ROS1: variants seen among roughly 807,000 people sequenced by gnomAD.
ROS1 encodes proto-oncogene tyrosine-protein kinase ROS.
ROS1 carries 263 observed loss-of-function variants against 273.5 expected under a neutral mutation model. That is an observed-to-expected ratio of 0.96 (90% CI 0.87 to 1.06). The LOEUF (loss-of-function observed/expected upper bound fraction) is 1.06, where lower values mean the gene tolerates loss of function less well. Among genes scored for constraint, ROS1 ranks in the 50% least tolerant of loss-of-function variants. The pLI, the probability that ROS1 is intolerant of heterozygous loss-of-function variation, is 0.00. For synonymous variants in ROS1, 1,008 were observed against 954.1 expected (o/e 1.06, Z -1.04); for missense variants, 2,833 against 2,751.1 (o/e 1.03, Z -0.67).
Position 117,365,139 on chromosome 6 carries a change from T to A in ROS1, c.3024A>T (p.Leu1008Phe), listed in dbSNP as rs766943523. The change falls in exon 21 of 44, where the codon TTA becomes TTT. Residue 1008 changes from leucine to phenylalanine, a missense_variant. Physicochemically the swap from Leu to Phe is conservative, Grantham distance 22. Coordinates refer to ENST00000368507, the MANE Select transcript of ROS1 (RefSeq NM_001378902.1). ...TATAAGGAGTGACAGAAAGATTAAA[T>A]AAGGCATAAGGTTCCAGTCCTTCCA... is the stretch of plus-strand genomic sequence containing the variant. ...FTVEGLEPYA[L>F]FNLSVTPYTY... 1.2e-6 allele frequency: 2 copies of A among 1,613,350 alleles called. No homozygotes were observed. The highest frequency in any genetic ancestry group is 1.7e-6 in the Non-Finnish European group (2 of 1,179,338).
intron 43 of ROS1, among the ~76,000 whole-genome samples, chr6:117,294,896 T>C (rs1774101589): frequency 6.6e-6 from 1 of 152,156 alleles, no homozygotes; most frequent in African/African-American, 2.4e-5. Flanking sequence ...CAAAGTTGTC[T>C]ACAAATTCAA....
intron 9 of ROS1, 34 bp from the exon 10 acceptor site, chr6:117,394,772 A>C: frequency 1.3e-6 from 2 of 1,570,280 alleles, no homozygotes; most frequent in Non-Finnish European, 1.7e-6. Context: ...AGACAGGTAG[A>C]CCAACCACAG....
Position 117,409,623 on chromosome 6 carries a change from C to T in ROS1, c.275G>A (p.Gly92Asp), listed in dbSNP as rs2128735130. 6.2e-7 allele frequency: 1 copy of T among 1,613,948 alleles called. No individual in the cohort carries two copies. The highest frequency in any genetic ancestry group is 8.5e-7 in the Non-Finnish European group (1 of 1,179,888). ...TVCERESCEV[G>D]CSSAEGAYEE... Reference sequence around the variant, plus strand: ...ATATGCACCTTCCGCGCTGCTACAGCCAACCTCACACGACTCCCGCTGTGG... The same window carrying T: ...ATATGCACCTTCCGCGCTGCTACAGTCAACCTCACACGACTCCCGCTGTGG... Residue 92 changes from glycine (G) to aspartate (D), a missense_variant, in exon 5 of 44, where the codon GGC becomes GAC. Coordinates refer to ENST00000368507, the MANE Select transcript of ROS1 (RefSeq NM_001378902.1).
At chr6:117,369,852 T>G (rs1401771386) in intron 18 of ROS1, among the ~76,000 whole-genome samples, 2 of 151,986 alleles carry the variant, frequency 1.3e-5, no homozygotes. Flanking sequence ...AGGCATTATG[T>G]GTGTGTGTGT....
At chr6:117,334,111 A>G (rs1329169800) in intron 32 of ROS1, among the ~76,000 whole-genome samples, 1 of 152,224 alleles carries the variant, frequency 6.6e-6, no homozygotes, top group Non-Finnish European at 1.5e-5. Flanking sequence ...ATCTCAGCCC[A>G]AAAACTTCTT....
chr6:117,403,118 AG>A lies in ROS1; in HGVS notation c.604+20del. ...AGCTTTGGAATAATGTCCTTTCATA[AG>A]AAATGTGTGCACACCATACCTCCAT... On this transcript the variant is annotated intron_variant, in intron 7 of 43. Transcript: ENST00000368507. 1.2e-6 allele frequency: 2 copies of A among 1,612,960 alleles called. No homozygotes were observed. The highest frequency in any genetic ancestry group is 1.3e-5 in the African/African-American group (1 of 75,030).
At chr6:117,365,316 A>G in intron 20 of ROS1, 112 bp from the exon 21 acceptor site, 2 of 1,208,186 alleles carry the variant, frequency 1.7e-6, no homozygotes, top group South Asian at 3.2e-5. Flanking sequence ...CAAAATTTGC[A>G]ATTTTGGAAG....
At position 117,403,157 on chromosome 6, in the gene ROS1, T is replaced by C. The variant is rs749944544; in HGVS notation, c.586A>G (p.Arg196Gly). ...QLYSPPSPSY[R>G]THPHGVPETA... ...ACCATACCTCCATGAGGATGAGTCC[T>C]GTAACTGGGACTTGGAGGGGAGTAG... The change falls in exon 7 of 44, where the codon AGG (arginine) becomes GGG (glycine). Residue 196 changes from arginine to glycine, a missense_variant. Physicochemically the swap from Arg to Gly is moderately radical, Grantham distance 125. Coordinates refer to ENST00000368507, the MANE Select transcript of ROS1 (RefSeq NM_001378902.1). The C allele has an allele frequency of 1.2e-6, 2 of 1,613,822 alleles. No homozygotes were observed. The highest frequency in any genetic ancestry group is 1.1e-5 in the South Asian group (1 of 90,954).
At position 117,365,206 on chromosome 6, in the gene ROS1, T is replaced by C. The variant is rs775466876; in HGVS notation, c.2959-2A>G. ...AGAGTGTTGTTCACTAGCCAAGAAC[T>C]AAAATATAAACAGAAAACATTATTT... is the stretch of plus-strand genomic sequence containing the variant. On this transcript the variant is annotated splice_acceptor_variant, in intron 20 of 43. Coordinates refer to ENST00000368507, the MANE Select transcript of ROS1 (RefSeq NM_001378902.1). LOFTEE classifies it high-confidence loss of function. 1 of 1,585,796 alleles carries C rather than the reference T, an allele frequency of 6.3e-7. No individual in the cohort carries two copies. Among genetic ancestry groups the C allele is most frequent in the South Asian group, 1.1e-5 (1 of 87,072 alleles).
At chr6:117,393,495 TA>T (rs1285689567) in intron 11 of ROS1, among the ~76,000 whole-genome samples, 174 bp from the exon 12 acceptor site, 1 of 152,196 alleles carries the variant, frequency 6.6e-6, no homozygotes, top group Non-Finnish European at 1.5e-5. Flanking sequence ...TCCTATATCC[TA>T]ATGAATTTAT....
Position 117,356,847 on chromosome 6 carries a change from G to A in ROS1, c.3908C>T (p.Thr1303Ile). 8.1e-6 allele frequency: 13 copies of A among 1,614,072 alleles called. No individual in the cohort carries two copies. The highest frequency in any genetic ancestry group is 1.0e-5 in the Non-Finnish European group (12 of 1,179,960). The change falls in exon 26 of 44, where the codon ACC becomes ATC. Residue 1303 changes from threonine to isoleucine, a missense_variant. Coordinates refer to ENST00000368507, the MANE Select transcript of ROS1 (RefSeq NM_001378902.1). ...TGTGGGTTGCAGAATTCGGTGCAAG[G>A]TGTGACTGATAATACTGTAGTAGAA... ...QMFYYSIISHTLHRILQPTAT... is the reference protein window; with the variant it reads ...QMFYYSIISHILHRILQPTAT...
intron 7 of ROS1, among the ~76,000 whole-genome samples, chr6:117,401,848 T>C (rs1773972617): frequency 6.8e-6 from 1 of 146,190 alleles, no homozygotes; most frequent in African/African-American, 2.5e-5. Context: ...TTGTTACTGA[T>C]GTTATTTTTC....
At chr6:117,397,890 CA>C in intron 7 of ROS1, among the ~76,000 whole-genome samples, 1 of 152,188 alleles carries the variant, frequency 6.6e-6, no homozygotes, top group Non-Finnish European at 1.5e-5. Context: ...CTCCTCTTTC[CA>C]TAGAAAGACA....
chr6:117,314,547 C>T (rs1775768484), intron 39 of ROS1, among the ~76,000 whole-genome samples: 1 of 152,098 alleles, frequency 6.6e-6, no homozygotes, highest in South Asian at 2.1e-4. Context: ...AGGCTTTTGT[C>T]TATAGAAAAC....
intron 35 of ROS1, among the ~76,000 whole-genome samples, chr6:117,323,128 T>C (rs1328122479): frequency 6.6e-6 from 1 of 152,140 alleles, no homozygotes; most frequent in African/African-American, 2.4e-5. Flanking sequence ...ACATCAGCTG[T>C]GCAATACTTA....
At chr6:117,356,966 T>C (rs762416000) in intron 25 of ROS1, 51 bp from the exon 26 acceptor site, 15 of 1,455,512 alleles carry the variant, frequency 1.0e-5, no homozygotes, top group Middle Eastern at 1.8e-4. Context: ...ATACATCATT[T>C]CAAATATTGG....
At chr6:117,358,130 G>A (rs1236080781) in intron 24 of ROS1, 121 bp from the exon 25 acceptor site, 1 of 650,970 alleles carries the variant, frequency 1.5e-6, no homozygotes, top group Non-Finnish European at 2.7e-6. Context: ...CCAAACCTCA[G>A]CAATCTGGAC....
chr6:117,305,622 C>G (rs1775043739), intron 42 of ROS1, among the ~76,000 whole-genome samples: 1 of 152,096 alleles, frequency 6.6e-6, no homozygotes, highest in African/African-American at 2.4e-5. Context: ...GCTATATAAG[C>G]AACAGTCATC....
At chr6:117,411,608 C>T (rs552232307) in intron 4 of ROS1, among the ~76,000 whole-genome samples, 1 of 152,262 alleles carries the variant, frequency 6.6e-6, no homozygotes, top group Admixed American at 6.5e-5. Context: ...TCTGGCTCCA[C>T]CCTTGGTTTC....
Sources: gnomAD v4.1 joint callset for allele counts (sites outside exome capture counted in the v4.1 genomes callset) on GRCh38, gnomAD v4.1.1 for gene constraint, MANE v1.5 for transcripts, NCBI Gene and HGNC (gene_info 2026-07-23, HGNC 2026-07-21) for gene names.